The following HAUS6 variants were observed in gnomAD, a reference collection of about 807,000 sequenced individuals.
HAUS6 encodes the protein HAUS augmin like complex subunit 6, also known as HAUS augmin-like complex subunit 6.
In HAUS6, 80 loss-of-function variants were observed where a neutral mutation model predicts 106.8. The observed-to-expected ratio is 0.75, with a 90% confidence interval of 0.63 to 0.90. The LOEUF (loss-of-function observed/expected upper bound fraction) is 0.90, where lower values mean the gene tolerates loss of function less well. HAUS6 is among the 40% of genes least tolerant of loss of function. HAUS6 has a pLI of 0.00. For missense variants in HAUS6, 1,155 were observed against 1,118.1 expected (o/e 1.03, Z -0.47); for synonymous variants, 356 against 379.1 (o/e 0.94, Z 0.71).
At chr9:19,076,800 T>A in intron 10 of HAUS6, 96 bp from the exon 11 acceptor site, 1 of 644,946 alleles carries the variant, frequency 1.6e-6, no homozygotes, top group Non-Finnish European at 2.8e-6. Context: ...ATCTTCTCAA[T>A]AAGAAAGTCA....
Position 19,060,210 on chromosome 9 carries a change from A to C in HAUS6, c.1643T>G (p.Val548Gly). Residue 548 changes from valine (V) to glycine (G), a missense_variant, in exon 15 of 17, where the codon GTT (valine) becomes GGT (glycine). Val to Gly is a moderately radical substitution (Grantham distance 109, BLOSUM62 -3). Coordinates refer to ENST00000380502, the MANE Select transcript of HAUS6 (RefSeq NM_017645.5). ...DHLVEEVARA[V>G]LSDSPQLSEG... is the part of the protein sequence containing the mutation. Reference sequence around the variant, plus strand: ...AGAGAGCTGTGGTGAATCAGATAAAACTGCTCTGGCAACCTAAAACAGAAA... The same window carrying C: ...AGAGAGCTGTGGTGAATCAGATAAACCTGCTCTGGCAACCTAAAACAGAAA... The C allele has an allele frequency of 6.4e-7, 1 of 1,555,418 alleles. No homozygotes were observed. Among genetic ancestry groups the C allele is most frequent in the Admixed American group, 2.1e-5 (1 of 46,756 alleles).
intron 14 of HAUS6, 92 bp downstream of exon 14, chr9:19,062,916 G>C (rs544877469): frequency 4.8e-5 from 46 of 968,088 alleles, no homozygotes; most frequent in Non-Finnish European, 7.3e-5. Flanking sequence ...TCCTCTTGCC[G>C]AAACCTCCCC....
chr9:19,087,846 CA>C (rs71333081), intron 5 of HAUS6, among the ~76,000 whole-genome samples: 19,231 of 78,140 alleles, frequency 0.25, 659 homozygotes, highest in Middle Eastern at 0.31. Flanking sequence ...GACCTTGTCT[CA>C]AAAAAAAAAA....
At chr9:19,097,576 G>T (rs7850757) in intron 1 of HAUS6, among the ~76,000 whole-genome samples, 9 of 151,832 alleles carry the variant, frequency 5.9e-5, no homozygotes, top group African/African-American at 1.9e-4. Context: ...GTTAGAATGG[G>T]GATCATTAAA....
At chr9:19,086,311 G>A (rs1346376812) in intron 7 of HAUS6, among the ~76,000 whole-genome samples, 1 of 140,378 alleles carries the variant, frequency 7.1e-6, no homozygotes, top group African/African-American at 2.7e-5. Context: ...CATCTCAAAA[G>A]GGGGAGGGGA....
At chr9:19,098,689 C>G (rs964944816) in intron 1 of HAUS6, among the ~76,000 whole-genome samples, 3 of 151,176 alleles carry the variant, frequency 2.0e-5, no homozygotes, top group African/African-American at 7.3e-5. Flanking sequence ...GGGCAAATAC[C>G]TTGGAATGGA....
chr9:19,060,005 G>T, intron 15 of HAUS6, 83 bp downstream of exon 15: 1 of 1,099,136 alleles, frequency 9.1e-7, no homozygotes, highest in Non-Finnish European at 1.3e-6. Context: ...TGGCAACTCA[G>T]CTAAAAAGAT....
In HAUS6 at chr9:19,080,651, C is replaced by A; in HGVS notation, c.892G>T (p.Glu298Ter). ...MFQLHIGNVYEAGKLNLLTVI... is the reference protein window; with the variant it reads ...MFQLHIGNVY ...GTTAAGAGGTTCAGTTTTCCAGCCTCATAAACATTTCCTATGTGCAACTAA... is the reference window on the plus strand; with the variant it reads ...GTTAAGAGGTTCAGTTTTCCAGCCTAATAAACATTTCCTATGTGCAACTAA... Residue 298 changes from glutamate to a stop codon, truncating the protein, a stop_gained, in exon 9 of 17, where the codon GAG (glutamate) becomes TAG (stop). Transcript: ENST00000380502. LOFTEE classifies it high-confidence loss of function. 6.2e-7 allele frequency: 1 copy of A among 1,607,502 alleles called. No individual in the cohort carries two copies. Among genetic ancestry groups the A allele is most frequent in the Non-Finnish European group, 8.5e-7 (1 of 1,175,164 alleles).
intron 3 of HAUS6, 145 bp downstream of exon 3, chr9:19,094,172 T>C (rs1817812053): frequency 3.9e-6 from 2 of 519,466 alleles, no homozygotes; most frequent in African/African-American, 2.0e-5. Context: ...CCAAAAACCA[T>C]CAAAGAAGAC....
intron 16 of HAUS6, chr9:19,056,689 C>A: frequency 3.7e-6 from 1 of 271,328 alleles, no homozygotes; most frequent in Non-Finnish European, 7.0e-6. Flanking sequence ...CAGCCTCAAA[C>A]TCCCAGGCCC....
intron 12 of HAUS6, among the ~76,000 whole-genome samples, chr9:19,066,285 C>T (rs761846422): frequency 6.7e-6 from 1 of 149,436 alleles, no homozygotes; most frequent in Non-Finnish European, 1.5e-5. Flanking sequence ...AAGAACTTGG[C>T]GGGGCGGGGG....
intron 7 of HAUS6, among the ~76,000 whole-genome samples, chr9:19,085,615 CAAA>C (rs71494997): frequency 6.2e-5 from 8 of 129,794 alleles, no homozygotes; most frequent in African/African-American, 5.4e-5. Context: ...AGATTTTATC[CAAA>C]AAAAAAAAAA....
At chr9:19,063,896 A>G in intron 12 of HAUS6, 1 of 439,752 alleles carries the variant, frequency 2.3e-6, no homozygotes, top group Non-Finnish European at 4.4e-6. Context: ...AAACAGATTC[A>G]ATTAACTAGA....
Position 19,102,757 on chromosome 9 carries a change from T to G in HAUS6, c.-106A>C. The G allele has an allele frequency of 1.5e-5, 17 of 1,107,438 alleles. No individual in the cohort carries two copies. Among genetic ancestry groups the G allele is most frequent in the Non-Finnish European group, 2.0e-5 (16 of 782,172 alleles). The allele number at this position is 1,107,438 out of a possible 1,614,324, so 68.6% of individuals were successfully genotyped here. A position where few individuals can be genotyped will look rare whatever the true frequency, so the allele number is the denominator to read the frequency against. On this transcript the variant is annotated 5_prime_UTR_variant, in exon 1 of 17. Coordinates refer to ENST00000380502, the MANE Select transcript of HAUS6 (RefSeq NM_017645.5). ...GGTCAGCCTGAGGTCGCGGTGGTCC[T>G]TCCATTGCCAACGCCTGCTCCTTTC...
intron 9 of HAUS6, among the ~76,000 whole-genome samples, chr9:19,078,593 G>C (rs901751177): frequency 2.6e-5 from 4 of 152,000 alleles, no homozygotes; most frequent in Admixed American, 1.3e-4. Flanking sequence ...TTCAAGACCA[G>C]CCTGGCCAAT....
At chr9:19,092,733 G>A (rs1488573292) in intron 4 of HAUS6, among the ~76,000 whole-genome samples, 2 of 150,926 alleles carry the variant, frequency 1.3e-5, no homozygotes, top group Non-Finnish European at 2.9e-5. Context: ...AGACCAGCCT[G>A]GCTAACATGG....
rs766313171 is a variant in HAUS6 at position 19,083,085 on chromosome 9, T to C, written c.700-42A>G. ...AAAATATTAAAGTCCACACATAATCTGTACATATTTTAAAAATGTAAATGT... is the reference window on the plus strand; with the variant it reads ...AAAATATTAAAGTCCACACATAATCCGTACATATTTTAAAAATGTAAATGT... On this transcript the variant is annotated intron_variant, in intron 7 of 16. Coordinates refer to ENST00000380502, the MANE Select transcript of HAUS6 (RefSeq NM_017645.5). 5.8e-6 allele frequency: 7 copies of C among 1,216,732 alleles called. No individual in the cohort carries two copies. In the South Asian group the frequency reaches 1.1e-4, roughly 19 times the overall value. The allele number at this position is 1,216,732 out of a possible 1,614,324, so 75.4% of individuals were successfully genotyped here.
chr9:19,076,265 A>C (rs1837002410), intron 11 of HAUS6, among the ~76,000 whole-genome samples: 1 of 151,492 alleles, frequency 6.6e-6, no homozygotes, highest in Non-Finnish European at 1.5e-5. Context: ...AGGTGGGAGG[A>C]TCACTTGAGC....
chr9:19,068,965 A>G (rs1321951666), intron 12 of HAUS6, among the ~76,000 whole-genome samples: 1 of 152,212 alleles, frequency 6.6e-6, no homozygotes, highest in African/African-American at 2.4e-5. Flanking sequence ...TCTGGTGGTT[A>G]TAGTAAATCA....
Sources: gnomAD v4.1 joint callset for allele counts (sites outside exome capture counted in the v4.1 genomes callset) on GRCh38, gnomAD v4.1.1 for gene constraint, MANE v1.5 for transcripts, NCBI Gene and HGNC (gene_info 2026-07-23, HGNC 2026-07-21) for gene names.